Variants in TASP1 observed in about 807,000 individuals in gnomAD.
TASP1 encodes the protein taspase 1.
TASP1 carries 16 observed loss-of-function variants against 56.6 expected under a neutral mutation model. The observed-to-expected ratio is 0.28, with a 90% confidence interval of 0.19 to 0.43. TASP1 has a LOEUF of 0.43. Ranked by LOEUF, TASP1 falls within the 20% of genes least tolerant of loss-of-function variation. The probability of loss-of-function intolerance (pLI) is 1.00; values close to 1 mark genes in which losing one functional copy is unlikely to be tolerated. For missense variants in TASP1, 393 were observed against 511.6 expected (o/e 0.77, Z 2.24); for synonymous variants, 179 against 184.2 (o/e 0.97, Z 0.23).
chr20:13,223,658 G>T, the TASP1 span, among the ~76,000 whole-genome samples: 1 of 152,144 alleles, frequency 6.6e-6, no homozygotes, highest in Non-Finnish European at 1.5e-5. Flanking sequence ...AACTTTGTGG[G>T]TTCTCTCACC....
At chr20:13,617,215 G>A (rs1322389152) in intron 4 of TASP1, 1 of 272,836 alleles carries the variant, frequency 3.7e-6, no homozygotes, top group African/African-American at 2.3e-5. Context: ...TGGGAATACT[G>A]CTAAACAGAC....
intron 8 of TASP1, among the ~76,000 whole-genome samples, chr20:13,549,165 C>A (rs1352417210): frequency 2.0e-5 from 3 of 152,124 alleles, no homozygotes; most frequent in Non-Finnish European, 4.4e-5. Context: ...TATAATAGAT[C>A]TAGATACAAC....
chr20:13,438,079 C>A (rs866728749), intron 11 of TASP1, among the ~76,000 whole-genome samples: 2 of 143,368 alleles, frequency 1.4e-5, no homozygotes, highest in Admixed American at 1.4e-4. Flanking sequence ...GATTCAATGC[C>A]CAAGGTAATT....
chr20:13,384,701 T>G (rs2041151685), downstream of TASP1, among the ~76,000 whole-genome samples: 1 of 152,182 alleles, frequency 6.6e-6, no homozygotes, highest in South Asian at 2.1e-4. Context: ...TCACTCCCCC[T>G]ATAGCCCACT....
chr20:13,305,335 C>T, the TASP1 span, among the ~76,000 whole-genome samples: 7 of 152,076 alleles, frequency 4.6e-5, no homozygotes, highest in Non-Finnish European at 8.8e-5. Flanking sequence ...ACTACAGACC[C>T]GTACTACTCT....
At chr20:13,165,597 C>A in the TASP1 span, 13 of 152,182 alleles carry the variant, frequency 8.5e-5, no homozygotes. Flanking sequence ...GGGCAGAAAG[C>A]AAGCACAAGA....
chr20:13,223,351 A>G, the TASP1 span, among the ~76,000 whole-genome samples: 5,841 of 152,258 alleles, frequency 0.038, 190 homozygotes, highest in African/African-American at 0.084. Flanking sequence ...CATTGTGTTT[A>G]CTACGTGCCA....
intron 13 of TASP1, among the ~76,000 whole-genome samples, chr20:13,412,588 C>A (rs1001767788): frequency 9.9e-5 from 15 of 152,234 alleles, no homozygotes; most frequent in African/African-American, 3.6e-4. Context: ...ATACTTAAGT[C>A]TCCCTCCTAT....
chr20:13,562,913 A>ATG (rs1210723346), intron 7 of TASP1, among the ~76,000 whole-genome samples: 2 of 113,716 alleles, frequency 1.8e-5, no homozygotes, highest in African/African-American at 3.9e-5. Flanking sequence ...ATACATATAT[A>ATG]TATGTGTGTG....
At chr20:13,591,890 G>C (rs2047545334) in intron 4 of TASP1, among the ~76,000 whole-genome samples, 1 of 151,978 alleles carries the variant, frequency 6.6e-6, no homozygotes, top group Admixed American at 6.6e-5. Context: ...TTTGAAAGTA[G>C]ACTATGATAA....
the TASP1 span, among the ~76,000 whole-genome samples, chr20:13,176,797 AGT>A: frequency 6.6e-6 from 1 of 152,352 alleles, no homozygotes; most frequent in Admixed American, 6.5e-5. Context: ...AAAAATCAGT[AGT>A]GTTTCTGTAT....
intron 12 of TASP1, among the ~76,000 whole-genome samples, chr20:13,427,602 G>T (rs567158932): frequency 2.0e-4 from 30 of 152,132 alleles, no homozygotes; most frequent in Admixed American, 6.6e-4. Flanking sequence ...GGAAAAGCAG[G>T]GGGTAAACAC....
the TASP1 span, among the ~76,000 whole-genome samples, chr20:13,257,342 C>T: frequency 6.6e-6 from 1 of 152,158 alleles, no homozygotes; most frequent in East Asian, 1.9e-4. Context: ...TGGTGAAAAC[C>T]TGTCTCTACT....
At chr20:13,371,813 T>C in the TASP1 span, among the ~76,000 whole-genome samples, 1 of 152,250 alleles carries the variant, frequency 6.6e-6, no homozygotes, top group South Asian at 2.1e-4. Flanking sequence ...TCATGTATTT[T>C]GGGATTCTGC....
the TASP1 span, among the ~76,000 whole-genome samples, chr20:13,265,955 C>T: frequency 6.3e-4 from 96 of 152,296 alleles, no homozygotes; most frequent in Middle Eastern, 0.017. Context: ...AGCCTCCATC[C>T]TCAGGCCTGC....
chr20:13,239,667 C>T, the TASP1 span: 1 of 152,232 alleles, frequency 6.6e-6, no homozygotes, highest in South Asian at 2.1e-4. Context: ...AACCCACCTG[C>T]ACTCCATGGT....
At chr20:13,227,513 CT>C in the TASP1 span, among the ~76,000 whole-genome samples, 37,412 of 115,162 alleles carry the variant, frequency 0.32, 5,027 homozygotes, top group Middle Eastern at 0.43. Flanking sequence ...CAACTTTTTT[CT>C]TTTTTTTTTT....
chr20:13,633,769 A>AAC (rs2049185531), intron 1 of TASP1, among the ~76,000 whole-genome samples: 1 of 152,160 alleles, frequency 6.6e-6, no homozygotes, highest in Admixed American at 6.5e-5. Context: ...CCTTTGAGGT[A>AAC]ACACTCAACA....
intron 4 of TASP1, among the ~76,000 whole-genome samples, chr20:13,599,197 T>C (rs2047860183): frequency 6.6e-6 from 1 of 152,204 alleles, no homozygotes; most frequent in Non-Finnish European, 1.5e-5. Flanking sequence ...CAAAAGATTA[T>C]AAATAATGCT....
Sources: gnomAD v4.1 joint callset for allele counts (sites outside exome capture counted in the v4.1 genomes callset) on GRCh38, gnomAD v4.1.1 for gene constraint, MANE v1.5 for transcripts, NCBI Gene and HGNC (gene_info 2026-07-23, HGNC 2026-07-21) for gene names.